The following PPP6R3 variants were observed in gnomAD, a reference collection of about 807,000 sequenced individuals.
The protein encoded by PPP6R3 is serine/threonine-protein phosphatase 6 regulatory subunit 3.
Under a neutral mutation model 110.7 loss-of-function variants are expected in PPP6R3, and 38 were observed. That is an observed-to-expected ratio of 0.34 (90% CI 0.26 to 0.45). The LOEUF is 0.45. Ranked by LOEUF, PPP6R3 falls within the 20% of genes least tolerant of loss-of-function variation. The pLI is 1.00. For missense variants in PPP6R3, 870 were observed against 1,062.4 expected, an observed-to-expected ratio of 0.82 and a Z score of 2.52; for synonymous variants, 369 against 373.5, an observed-to-expected ratio of 0.99 and a Z score of 0.14.
chr11:68,531,408 G>A (rs2099239734), intron 2 of PPP6R3, among the ~76,000 whole-genome samples: 1 of 151,706 alleles, frequency 6.6e-6, no homozygotes, highest in East Asian at 1.9e-4. Context: ...TATGATCATA[G>A]CTCACTACAG....
chr11:68,585,654 G>A (rs1211713413), intron 15 of PPP6R3, among the ~76,000 whole-genome samples: 1 of 152,122 alleles, frequency 6.6e-6, no homozygotes, highest in African/African-American at 2.4e-5. Context: ...AATGAGATTT[G>A]AAATGTGAAG....
At chr11:68,560,111 ATGTG>A (rs1487920979) in intron 8 of PPP6R3, among the ~76,000 whole-genome samples, 9 of 152,242 alleles carry the variant, frequency 5.9e-5, no homozygotes, top group Non-Finnish European at 1.3e-4. Flanking sequence ...AGAAGAAAGA[ATGTG>A]TGTCAATGAT....
In PPP6R3 at chr11:68,583,007, T is replaced by C. The variant is rs919257252; in HGVS notation, c.1546-36T>C. ...CTGATACAAATGTCCAAAACTTTTC[T>C]ATGTTAAATAGTCTTTTACATTTTT... On this transcript the variant is annotated intron_variant, in intron 14 of 23. Transcript: ENST00000393800. 8 of 1,361,170 alleles carry C rather than the reference T, an allele frequency of 5.9e-6. No homozygotes were observed. In the African/African-American group the frequency reaches 1.1e-4, roughly 18 times the overall value. 84.3% of individuals were successfully genotyped at this position (1,361,170 alleles called of 1,614,324 possible). A position where few individuals can be genotyped will look rare whatever the true frequency, so the allele number is the denominator to read the frequency against.
At chr11:68,578,541 A>C (rs2099540795) in intron 14 of PPP6R3, among the ~76,000 whole-genome samples, 1 of 152,226 alleles carries the variant, frequency 6.6e-6, no homozygotes, top group Non-Finnish European at 1.5e-5. Flanking sequence ...AAGTGGAGTC[A>C]GCCCAGTTCA....
intron 2 of PPP6R3, among the ~76,000 whole-genome samples, chr11:68,530,724 T>A (rs2099234082): frequency 6.6e-6 from 1 of 152,236 alleles, no homozygotes; most frequent in African/African-American, 2.4e-5. Flanking sequence ...TTGAAAGCCA[T>A]CATAATCTTT....
intron 14 of PPP6R3, among the ~76,000 whole-genome samples, chr11:68,580,546 A>G (rs1415857750): frequency 6.6e-6 from 1 of 151,886 alleles, no homozygotes; most frequent in East Asian, 1.9e-4. Flanking sequence ...TTGAAGGTAG[A>G]GTGGACATGG....
At chr11:68,547,028 GT>G (rs1236440278) in intron 4 of PPP6R3, among the ~76,000 whole-genome samples, 3 of 152,202 alleles carry the variant, frequency 2.0e-5, no homozygotes, top group African/African-American at 7.2e-5. Flanking sequence ...GAAGCAATGT[GT>G]GTTGGTTAAT....
Position 68,614,518 on chromosome 11 carries a change from AT to A in PPP6R3, c.*1408del. 3.5e-6 allele frequency: 5 copies of A among 1,428,086 alleles called. No individual in the cohort carries two copies. The highest frequency in any genetic ancestry group is 2.8e-5 in the East Asian group (1 of 35,214). 88.5% of individuals were successfully genotyped at this position (1,428,086 alleles called of 1,614,324 possible). A position where few individuals can be genotyped will look rare whatever the true frequency, so the allele number is the denominator to read the frequency against. On this transcript the variant is annotated 3_prime_UTR_variant, in exon 24 of 24. Transcript: ENST00000393800. ...AGGATATTCTGAAAAATGGCCAACA[AT>A]TTTTTTAGAAGTAGCATCCCAAGCA...
chr11:68,521,198 T>C (rs1271753062), intron 2 of PPP6R3, among the ~76,000 whole-genome samples: 1 of 152,242 alleles, frequency 6.6e-6, no homozygotes, highest in East Asian at 1.9e-4. Flanking sequence ...CTTTGTGAAC[T>C]CTCAGAGCAT....
At chr11:68,594,373 A>T (rs1024728363) in intron 18 of PPP6R3, among the ~76,000 whole-genome samples, 1 of 150,742 alleles carries the variant, frequency 6.6e-6, no homozygotes, top group African/African-American at 2.4e-5. Flanking sequence ...TGAGTTAAAT[A>T]TGACTGGGCA....
At chr11:68,500,731 C>T (rs2099044392) in intron 1 of PPP6R3, among the ~76,000 whole-genome samples, 1 of 152,226 alleles carries the variant, frequency 6.6e-6, no homozygotes. Context: ...CTGCCTTGGC[C>T]ACCCAAAGTG....
chr11:68,473,430 A>T (rs2098806602), intron 1 of PPP6R3, among the ~76,000 whole-genome samples: 1 of 152,168 alleles, frequency 6.6e-6, no homozygotes, highest in African/African-American at 2.4e-5. Flanking sequence ...GTATCTCTCC[A>T]TCTGTATCCT....
At chr11:68,472,577 A>G (rs2098799724) in intron 1 of PPP6R3, among the ~76,000 whole-genome samples, 1 of 150,490 alleles carries the variant, frequency 6.6e-6, no homozygotes, top group Non-Finnish European at 1.5e-5. Flanking sequence ...GTCAGACTTT[A>G]ATATTTGCAG....
chr11:68,473,777 A>G (rs2098809058), intron 1 of PPP6R3, among the ~76,000 whole-genome samples: 1 of 152,240 alleles, frequency 6.6e-6, no homozygotes, highest in South Asian at 2.1e-4. Context: ...GGGAAAGAAT[A>G]GGAAAAACAC....
intron 1 of PPP6R3, among the ~76,000 whole-genome samples, chr11:68,485,046 T>A (rs896537252): frequency 2.6e-5 from 4 of 152,340 alleles, no homozygotes; most frequent in Non-Finnish European, 4.4e-5. Context: ...TTTGTTTAGT[T>A]CTTCTTTGGG....
chr11:68,545,070 C>A (rs1159992035), intron 4 of PPP6R3, 46 bp downstream of exon 4: 1 of 1,421,912 alleles, frequency 7.0e-7, no homozygotes, highest in South Asian at 1.3e-5. Flanking sequence ...TGATCATCCC[C>A]TTGAGGTGAT....
chr11:68,462,922 T>G (rs2098718721), intron 1 of PPP6R3, among the ~76,000 whole-genome samples: 1 of 152,176 alleles, frequency 6.6e-6, no homozygotes, highest in South Asian at 2.1e-4. Context: ...TGTTTTCGGT[T>G]TAGAACTCTA....
At chr11:68,503,524 A>G (rs1403165137) in intron 1 of PPP6R3, among the ~76,000 whole-genome samples, 1 of 152,194 alleles carries the variant, frequency 6.6e-6, no homozygotes, top group African/African-American at 2.4e-5. Context: ...TGAGAAAACA[A>G]CGAGTGTGTG....
At chr11:68,592,908 A>C (rs2099599944) in intron 18 of PPP6R3, among the ~76,000 whole-genome samples, 1 of 152,234 alleles carries the variant, frequency 6.6e-6, no homozygotes, top group East Asian at 1.9e-4. Context: ...TTCACAGAGC[A>C]CCACGTGTGG....
Sources: gnomAD v4.1 joint callset for allele counts (sites outside exome capture counted in the v4.1 genomes callset) on GRCh38, gnomAD v4.1.1 for gene constraint, MANE v1.5 for transcripts, NCBI Gene and HGNC (gene_info 2026-07-23, HGNC 2026-07-21) for gene names.